The following PIGN variants were observed in gnomAD, a reference collection of about 807,000 sequenced individuals.
The protein encoded by PIGN is GPI ethanolamine phosphate transferase 1.
In PIGN, 117 loss-of-function variants were observed where a neutral mutation model predicts 125.4. That is an observed-to-expected ratio of 0.93 (90% CI 0.80 to 1.09). PIGN has a LOEUF of 1.09. Ranked by LOEUF, PIGN falls within the 50% of genes least tolerant of loss-of-function variation. The probability of loss-of-function intolerance (pLI) is 0.00; values close to 1 mark genes in which losing one functional copy is unlikely to be tolerated. For synonymous variants in PIGN, 392 were observed against 377.8 expected (o/e 1.04, Z -0.44); for missense variants, 1,075 against 1,094.9 (o/e 0.98, Z 0.26).
chr18:62,074,242 AGGGT>A (rs1299769129), intron 29 of PIGN, among the ~76,000 whole-genome samples: 1 of 152,230 alleles, frequency 6.6e-6, no homozygotes, highest in Non-Finnish European at 1.5e-5. Flanking sequence ...ACTAAAGCTG[AGGGT>A]GGTCTTGGGA....
intron 6 of PIGN, among the ~76,000 whole-genome samples, 172 bp from the exon 7 acceptor site, chr18:62,154,823 T>C (rs867973734): frequency 6.6e-6 from 1 of 152,238 alleles, no homozygotes; most frequent in Non-Finnish European, 1.5e-5. Flanking sequence ...ATTTATGTTA[T>C]GTGCTATGGA....
chr18:62,074,902 GCAAA>G, intron 28 of PIGN, 81 bp from the exon 29 acceptor site: 3 of 890,456 alleles, frequency 3.4e-6, no homozygotes, highest in Non-Finnish European at 5.4e-6. Context: ...GTGAGACTAG[GCAAA>G]TAACCTAGTA....
At chr18:62,118,477 T>G (rs941885050) in intron 14 of PIGN, 1 of 152,104 alleles carries the variant, frequency 6.6e-6, no homozygotes, top group Non-Finnish European at 1.5e-5. Flanking sequence ...TCCAAAATTC[T>G]ACAAACTGTA....
At chr18:62,146,136 T>C (rs1717736145) in intron 9 of PIGN, 111 bp from the exon 10 acceptor site, 1 of 455,110 alleles carries the variant, frequency 2.2e-6, no homozygotes. Context: ...TAGTTAATTC[T>C]AGTGACTACA....
intron 23 of PIGN, among the ~76,000 whole-genome samples, chr18:62,021,418 G>A (rs1239347547): frequency 6.6e-6 from 1 of 152,208 alleles, no homozygotes; most frequent in African/African-American, 2.4e-5. Flanking sequence ...AGAGACAAAA[G>A]ACAGTTTATT....
At chr18:62,164,495 A>G (rs2037062865) in intron 1 of PIGN, among the ~76,000 whole-genome samples, 1 of 152,142 alleles carries the variant, frequency 6.6e-6, no homozygotes, top group South Asian at 2.1e-4. Context: ...GGCAGAGCAA[A>G]AGAGAGAGTG....
intron 4 of PIGN, among the ~76,000 whole-genome samples, chr18:62,158,678 C>T (rs2036829384): frequency 6.6e-6 from 1 of 152,308 alleles, no homozygotes; most frequent in South Asian, 2.1e-4. Context: ...CCTCTCAATA[C>T]ATTCTAAAGA....
chr18:62,171,632 G>A (rs908184913), intron 1 of PIGN, among the ~76,000 whole-genome samples: 10 of 152,054 alleles, frequency 6.6e-5, no homozygotes, highest in African/African-American at 2.4e-4. Context: ...CTAATATGCT[G>A]ACAGCTTTAA....
At chr18:62,142,882 T>C (rs200126174) in intron 11 of PIGN, among the ~76,000 whole-genome samples, 2 of 152,186 alleles carry the variant, frequency 1.3e-5, no homozygotes, top group East Asian at 3.8e-4. Flanking sequence ...CCCATTGCAT[T>C]TGTAAGGTTG....
At chr18:62,100,145 A>C (rs989453695) in intron 22 of PIGN, among the ~76,000 whole-genome samples, 1 of 152,182 alleles carries the variant, frequency 6.6e-6, no homozygotes, top group African/African-American at 2.4e-5. Context: ...CCAACTAAAA[A>C]ATGGGCAAAT....
intron 1 of PIGN, among the ~76,000 whole-genome samples, chr18:62,176,672 T>G (rs2037534914): frequency 6.6e-6 from 1 of 151,834 alleles, no homozygotes; most frequent in South Asian, 2.1e-4. Context: ...AGACCCAAAT[T>G]GAGACAGCCT....
At chr18:62,083,386 A>C (rs1005061556) in intron 27 of PIGN, among the ~76,000 whole-genome samples, 1 of 152,146 alleles carries the variant, frequency 6.6e-6, no homozygotes, top group African/African-American at 2.4e-5. Flanking sequence ...AATTTTGAAA[A>C]ATATATATAA....
At position 62,045,095 on chromosome 18, in the gene PIGN, G is replaced by A. The variant is rs2030565917; in HGVS notation, c.*761C>T. 6.6e-6 allele frequency: 1 copy of A among 151,866 alleles called. No homozygotes were observed. The highest frequency in any genetic ancestry group is 2.1e-4 in the South Asian group (1 of 4,800). The allele number at this position is 151,866 out of a possible 1,614,324, so 9.4% of individuals were successfully genotyped here. On this transcript the variant is annotated 3_prime_UTR_variant, in exon 31 of 31. Coordinates refer to ENST00000640252, the MANE Select transcript of PIGN (RefSeq NM_176787.5). ...GAAACAATATACGAAAAAGCTATGG[G>A]GTAACAGATGTTGAGCCTACAATTA...
chr18:62,160,841 A>T (rs1208314807), intron 4 of PIGN, among the ~76,000 whole-genome samples: 2 of 152,180 alleles, frequency 1.3e-5, no homozygotes, highest in African/African-American at 4.8e-5. Context: ...AAAATAATAT[A>T]GTGAGTCTTG....
intron 30 of PIGN, among the ~76,000 whole-genome samples, chr18:62,063,230 A>T: frequency 6.8e-6 from 1 of 147,842 alleles, no homozygotes; most frequent in Non-Finnish European, 1.5e-5. Context: ...GGTTTTATAG[A>T]TTTTATCCAA....
chr18:62,070,690 T>C (rs2032792152), intron 30 of PIGN, among the ~76,000 whole-genome samples: 1 of 152,346 alleles, frequency 6.6e-6, no homozygotes, highest in African/African-American at 2.4e-5. Flanking sequence ...CAATTTTGCT[T>C]TCTTCTTCTC....
intron 22 of PIGN, among the ~76,000 whole-genome samples, chr18:62,096,260 A>G (rs547577047): frequency 6.6e-6 from 1 of 151,906 alleles, no homozygotes; most frequent in South Asian, 2.1e-4. Context: ...GCACCACTGC[A>G]CTCCAGCCTG....
At chr18:62,057,570 C>T (rs920350627) in intron 30 of PIGN, among the ~76,000 whole-genome samples, 2 of 152,214 alleles carry the variant, frequency 1.3e-5, no homozygotes, top group African/African-American at 2.4e-5. Flanking sequence ...CTCCCTCTCT[C>T]GATCCCTCCA....
chr18:62,136,798 C>A (rs1343346012), intron 14 of PIGN: 1 of 344,478 alleles, frequency 2.9e-6, no homozygotes, highest in Non-Finnish European at 5.2e-6. Context: ...GAATGTGAAC[C>A]TCAAAGATGC....
Sources: gnomAD v4.1 joint callset for allele counts (sites outside exome capture counted in the v4.1 genomes callset) on GRCh38, gnomAD v4.1.1 for gene constraint, MANE v1.5 for transcripts, NCBI Gene and HGNC (gene_info 2026-07-23, HGNC 2026-07-21) for gene names.